The following ATP6V1H variants were observed in gnomAD, a reference collection of about 807,000 sequenced individuals.
The protein encoded by ATP6V1H is V-type proton ATPase subunit H.
In ATP6V1H, 39 loss-of-function variants were observed where a neutral mutation model predicts 71.7. The observed-to-expected ratio is 0.54, with a 90% CI of 0.42 to 0.71. The LOEUF is 0.71. Among genes scored for constraint, ATP6V1H ranks in the 30% least tolerant of loss-of-function variants. The probability of loss-of-function intolerance (pLI) is 0.00; values close to 1 mark genes in which losing one functional copy is unlikely to be tolerated. For missense variants in ATP6V1H, 509 were observed against 594.9 expected (o/e 0.86, Z 1.50); for synonymous variants, 192 against 199.3 (o/e 0.96, Z 0.31).
intron 12 of ATP6V1H, among the ~76,000 whole-genome samples, chr8:53,749,528 C>T (rs1004399571): frequency 6.6e-6 from 1 of 152,142 alleles, no homozygotes; most frequent in African/African-American, 2.4e-5. Context: ...GCTGGCTATC[C>T]CTGCTTCCCC....
At chr8:53,825,453 A>G (rs1481779453) in intron 4 of ATP6V1H, among the ~76,000 whole-genome samples, 1 of 152,154 alleles carries the variant, frequency 6.6e-6, no homozygotes, top group Non-Finnish European at 1.5e-5. Context: ...AAAAAAAACA[A>G]CATTCAAGAA....
At chr8:53,783,730 T>C (rs1809256669) in intron 9 of ATP6V1H, among the ~76,000 whole-genome samples, 1 of 152,224 alleles carries the variant, frequency 6.6e-6, no homozygotes, top group South Asian at 2.1e-4. Context: ...CCAGAGATTC[T>C]GGTATGTTGT....
chr8:53,750,701 C>T (rs1201564769), intron 12 of ATP6V1H, among the ~76,000 whole-genome samples: 3 of 152,008 alleles, frequency 2.0e-5, no homozygotes, highest in Admixed American at 6.6e-5. Flanking sequence ...CTGCAAGAGA[C>T]AACATTCTGA....
chr8:53,749,539 AGTCTCTCGTTCCTGCTGGAG>A (rs1807721843), intron 12 of ATP6V1H, among the ~76,000 whole-genome samples: 1 of 152,144 alleles, frequency 6.6e-6, no homozygotes, highest in Non-Finnish European at 1.5e-5. Flanking sequence ...CTGCTTCCCC[AGTCTCTCGTTCCTGCTGGAG>A]GTCTGGGGTA....
At position 53,715,738 on chromosome 8, in the gene ATP6V1H, G is replaced by A. The variant is rs1806401318; in HGVS notation, c.*226C>T. On this transcript the variant is annotated 3_prime_UTR_variant, in exon 14 of 14. Transcript: ENST00000359530. ...ACAATAAATACAGAAATTGCAAGCA[G>A]TATATGTAACAGTAATATTTTCTTT... 8 of 415,474 alleles carry A rather than the reference G, an allele frequency of 1.9e-5. No individual in the cohort carries two copies. The South Asian group carries it at 4.5e-4, about 23-fold the overall frequency. The allele number at this position is 415,474 out of a possible 1,614,324, so 25.7% of individuals were successfully genotyped here.
chr8:53,769,775 A>G (rs748915070), intron 10 of ATP6V1H, 32 bp from the exon 11 acceptor site: 4 of 1,565,948 alleles, frequency 2.6e-6, no homozygotes, highest in African/African-American at 2.8e-5. Context: ...TTCAAGGTTT[A>G]TAAGAATCTG....
intron 11 of ATP6V1H, among the ~76,000 whole-genome samples, chr8:53,767,235 CAT>C (rs1808502663): frequency 6.6e-6 from 1 of 152,120 alleles, no homozygotes; most frequent in African/African-American, 2.4e-5. Context: ...TTAATAATAA[CAT>C]ATCAATATTA....
At chr8:53,774,357 C>T (rs1217317894) in intron 9 of ATP6V1H, among the ~76,000 whole-genome samples, 2 of 152,206 alleles carry the variant, frequency 1.3e-5, no homozygotes, top group Admixed American at 6.5e-5. Flanking sequence ...AAGCTTCCAT[C>T]TACTTAAAGT....
chr8:53,801,535 A>T (rs1431963902), intron 8 of ATP6V1H, among the ~76,000 whole-genome samples: 1 of 152,060 alleles, frequency 6.6e-6, no homozygotes, highest in Non-Finnish European at 1.5e-5. Context: ...ATTTTCTAAA[A>T]TTTTTTATAT....
chr8:53,818,654 C>T (rs982208141), intron 4 of ATP6V1H, among the ~76,000 whole-genome samples: 4 of 152,088 alleles, frequency 2.6e-5, no homozygotes, highest in East Asian at 1.9e-4. Context: ...GAAATCTTTC[C>T]GGTCAGGTAC....
At chr8:53,770,052 T>C (rs895849204) in intron 10 of ATP6V1H, among the ~76,000 whole-genome samples, 5 of 152,118 alleles carry the variant, frequency 3.3e-5, no homozygotes, top group South Asian at 2.1e-4. Flanking sequence ...AGCAAAAAAA[T>C]TGATAATCAG....
intron 4 of ATP6V1H, among the ~76,000 whole-genome samples, chr8:53,822,330 G>A (rs1483444175): frequency 6.6e-6 from 1 of 152,056 alleles, no homozygotes; most frequent in Non-Finnish European, 1.5e-5. Context: ...GTGGGAACAA[G>A]TGTAGAATAA....
At chr8:53,722,109 C>T (rs186020956) in intron 13 of ATP6V1H, among the ~76,000 whole-genome samples, 1 of 152,290 alleles carries the variant, frequency 6.6e-6, no homozygotes, top group East Asian at 1.9e-4. Context: ...TCCTTTTTAA[C>T]AAGCTGTAAA....
chr8:53,792,157 T>C (rs557729009), intron 9 of ATP6V1H, among the ~76,000 whole-genome samples: 4 of 152,132 alleles, frequency 2.6e-5, no homozygotes, highest in Non-Finnish European at 4.4e-5. Flanking sequence ...GTGGACAGAG[T>C]GTGCAGGAAA....
intron 7 of ATP6V1H, among the ~76,000 whole-genome samples, chr8:53,803,194 AG>A (rs1236769157): frequency 6.6e-6 from 1 of 152,022 alleles, no homozygotes; most frequent in East Asian, 1.9e-4. Context: ...AAAATTAGCC[AG>A]GTGTGGTGGC....
chr8:53,802,881 A>G (rs915761560), intron 7 of ATP6V1H, among the ~76,000 whole-genome samples: 14 of 152,254 alleles, frequency 9.2e-5, no homozygotes, highest in African/African-American at 2.9e-4. Context: ...CATCAGTTCA[A>G]TAACATTGTC....
chr8:53,728,663 AG>A (rs1193027046), intron 13 of ATP6V1H, among the ~76,000 whole-genome samples: 8 of 152,182 alleles, frequency 5.3e-5, no homozygotes, highest in Non-Finnish European at 7.3e-5. Context: ...TGCTACCTTG[AG>A]GTGGGCAACA....
chr8:53,786,629 G>A (rs374549974), intron 9 of ATP6V1H, among the ~76,000 whole-genome samples: 2 of 152,224 alleles, frequency 1.3e-5, no homozygotes, highest in Non-Finnish European at 2.9e-5. Flanking sequence ...AATGGGAGCT[G>A]TAGACTGGAG....
chr8:53,842,714 T>G (rs534750667), intron 1 of ATP6V1H: 3 of 152,164 alleles, frequency 2.0e-5, no homozygotes, highest in Non-Finnish European at 4.4e-5. Flanking sequence ...CTCTAGACAA[T>G]TACCTAAGTC....
Sources: gnomAD v4.1 joint callset for allele counts (sites outside exome capture counted in the v4.1 genomes callset) on GRCh38, gnomAD v4.1.1 for gene constraint, MANE v1.5 for transcripts, NCBI Gene and HGNC (gene_info 2026-07-23, HGNC 2026-07-21) for gene names.